Variants in SIPA1L2 observed in about 807,000 individuals in gnomAD.
The protein encoded by SIPA1L2 is signal induced proliferation associated 1 like 2, also known as signal-induced proliferation-associated 1-like protein 2.
A neutral mutation model predicts 163.9 loss-of-function variants in SIPA1L2; 56 were observed. That is an observed-to-expected ratio of 0.34 (90% CI 0.28 to 0.43). The LOEUF (loss-of-function observed/expected upper bound fraction) is 0.43, where lower values mean the gene tolerates loss of function less well. SIPA1L2 is among the 20% of genes least tolerant of loss of function. The pLI is 1.00. For missense variants in SIPA1L2, 1,974 were observed against 2,193.5 expected (o/e 0.90, Z 2.00); for synonymous variants, 877 against 865.7 (o/e 1.01, Z -0.23).
At chr1:232,559,362 G>A (rs937691085) in intron 2 of SIPA1L2, among the ~76,000 whole-genome samples, 1 of 152,152 alleles carries the variant, frequency 6.6e-6, no homozygotes, top group African/African-American at 2.4e-5. Flanking sequence ...AGCTAGACCC[G>A]GCATGTAGAG....
At chr1:232,621,483 G>A (rs1407366857) in intron 1 of SIPA1L2, among the ~76,000 whole-genome samples, 1 of 152,082 alleles carries the variant, frequency 6.6e-6, no homozygotes, top group Non-Finnish European at 1.5e-5. Flanking sequence ...GGAACCAAGA[G>A]AAATGGGTTT....
chr1:232,622,129 T>C (rs915805169), intron 1 of SIPA1L2, among the ~76,000 whole-genome samples: 1 of 152,266 alleles, frequency 6.6e-6, no homozygotes, highest in Non-Finnish European at 1.5e-5. Flanking sequence ...TCTACTATCA[T>C]GTATGCCTTG....
Position 232,450,769 on chromosome 1 carries a change from A to G in SIPA1L2, c.3096-4983T>C, listed in dbSNP as rs534432129. Among the ~76,000 whole-genome samples the G allele has an allele frequency of 7.9e-5, 12 of 152,362 alleles. No homozygotes were observed. The South Asian group carries it at 2.1e-3, about 26-fold the overall frequency. On this transcript the variant is annotated intron_variant, in intron 10 of 22. Coordinates refer to ENST00000674635, the MANE Select transcript of SIPA1L2 (RefSeq NM_020808.5). ...AGTGTGGCCTACTTAATTCATGCCCATAGACTGTAGTCTTTATAAGACACT... is the reference window on the plus strand; with the variant it reads ...AGTGTGGCCTACTTAATTCATGCCCGTAGACTGTAGTCTTTATAAGACACT...
intron 1 of SIPA1L2, among the ~76,000 whole-genome samples, chr1:232,590,145 C>CA (rs1166209236): frequency 6.6e-6 from 1 of 152,192 alleles, no homozygotes; most frequent in Admixed American, 6.5e-5. Flanking sequence ...AGTCCCCAGA[C>CA]ACCTTGCTGG....
intron 10 of SIPA1L2, among the ~76,000 whole-genome samples, chr1:232,448,283 T>G (rs1177587845): frequency 6.6e-6 from 1 of 152,204 alleles, no homozygotes; most frequent in Non-Finnish European, 1.5e-5. Flanking sequence ...GAAGACTAGA[T>G]AAGTCTCAAC....
chr1:232,594,986 A>G (rs986671325), intron 1 of SIPA1L2, among the ~76,000 whole-genome samples: 3 of 152,116 alleles, frequency 2.0e-5, no homozygotes, highest in Non-Finnish European at 4.4e-5. Flanking sequence ...GTTGTTGTCA[A>G]TGCTCCCAGT....
chr1:232,439,786 A>G (rs1327912188), intron 14 of SIPA1L2, among the ~76,000 whole-genome samples: 1 of 152,216 alleles, frequency 6.6e-6, no homozygotes, highest in Non-Finnish European at 1.5e-5. Context: ...AGCAAAGAAA[A>G]TAATAAGCAA....
At chr1:232,564,895 G>T (rs2247723) in intron 2 of SIPA1L2, among the ~76,000 whole-genome samples, 1 of 152,046 alleles carries the variant, frequency 6.6e-6, no homozygotes, top group Non-Finnish European at 1.5e-5. Flanking sequence ...ACTGAGGCCT[G>T]TCTCAGGGTG....
At chr1:232,497,182 T>A (rs1666238377) in intron 3 of SIPA1L2, among the ~76,000 whole-genome samples, 1 of 152,158 alleles carries the variant, frequency 6.6e-6, no homozygotes, top group East Asian at 1.9e-4. Context: ...AAGGGCCAAC[T>A]ACAGAGGAGG....
intron 1 of SIPA1L2, among the ~76,000 whole-genome samples, chr1:232,629,359 A>G (rs1663246626): frequency 1.3e-5 from 2 of 152,214 alleles, no homozygotes; most frequent in Admixed American, 6.5e-5. Context: ...GAGTGAGAAG[A>G]GCGCTCGCCG....
At chr1:232,473,022 T>G (rs1163155902) in intron 7 of SIPA1L2, among the ~76,000 whole-genome samples, 2 of 152,234 alleles carry the variant, frequency 1.3e-5, no homozygotes, top group Admixed American at 1.3e-4. Flanking sequence ...GAGTGAAGTC[T>G]GGAAACATAC....
intron 1 of SIPA1L2, among the ~76,000 whole-genome samples, chr1:232,577,180 TAAG>T (rs548094808): frequency 7.2e-5 from 11 of 152,312 alleles, no homozygotes; most frequent in Non-Finnish European, 8.8e-5. Context: ...TTTGGGCCCT[TAAG>T]AATTATGCTA....
chr1:232,470,945 C>T (rs990673325), intron 8 of SIPA1L2, among the ~76,000 whole-genome samples: 1 of 152,202 alleles, frequency 6.6e-6, no homozygotes, highest in African/African-American at 2.4e-5. Flanking sequence ...GATTCCAAGG[C>T]ACGCATGTGG....
intron 5 of SIPA1L2, among the ~76,000 whole-genome samples, chr1:232,488,304 C>T (rs12737088): frequency 6.6e-6 from 1 of 151,904 alleles, no homozygotes; most frequent in Admixed American, 6.6e-5. Flanking sequence ...AACCCTTAGA[C>T]CAATAACAAA....
intron 2 of SIPA1L2, among the ~76,000 whole-genome samples, chr1:232,573,603 C>T (rs1188781978): frequency 1.3e-5 from 2 of 152,118 alleles, no homozygotes; most frequent in African/African-American, 4.8e-5. Context: ...ACAGGAAATG[C>T]AGTATTTGTG....
intron 2 of SIPA1L2, among the ~76,000 whole-genome samples, chr1:232,556,150 G>C (rs955881831): frequency 6.6e-6 from 1 of 152,196 alleles, no homozygotes; most frequent in Admixed American, 6.5e-5. Flanking sequence ...AGTTTAATGT[G>C]TACACTGTGA....
chr1:232,512,452 A>G (rs1318264469), intron 3 of SIPA1L2, among the ~76,000 whole-genome samples: 1 of 152,206 alleles, frequency 6.6e-6, no homozygotes, highest in African/African-American at 2.4e-5. Context: ...TTACAATACC[A>G]AAGACTTGGA....
At chr1:232,438,875 CT>C (rs1662719906) in intron 15 of SIPA1L2, among the ~76,000 whole-genome samples, 1 of 146,770 alleles carries the variant, frequency 6.8e-6, no homozygotes, top group African/African-American at 2.6e-5. Flanking sequence ...TGACTTTTCA[CT>C]CAAACTTAAT....
intron 3 of SIPA1L2, among the ~76,000 whole-genome samples, chr1:232,498,229 C>A (rs1666295981): frequency 6.6e-6 from 1 of 152,138 alleles, no homozygotes; most frequent in Non-Finnish European, 1.5e-5. Flanking sequence ...ATGGTTATAT[C>A]TGACCTCAAG....
Sources: gnomAD v4.1 joint callset for allele counts (sites outside exome capture counted in the v4.1 genomes callset) on GRCh38, gnomAD v4.1.1 for gene constraint, MANE v1.5 for transcripts, NCBI Gene and HGNC (gene_info 2026-07-23, HGNC 2026-07-21) for gene names.